Variants in ZNF37A observed in about 807,000 individuals in gnomAD.
ZNF37A encodes the protein zinc finger protein 37a (KOX 21).
ZNF37A carries 10 observed loss-of-function variants against 12.3 expected under a neutral mutation model. That is an observed-to-expected ratio of 0.82 (90% CI 0.50 to 1.38). The LOEUF (loss-of-function observed/expected upper bound fraction) is 1.38. ZNF37A is among the 40% of genes most tolerant of loss of function. The probability of loss-of-function intolerance (pLI) is 0.00; values close to 1 mark genes in which losing one functional copy is unlikely to be tolerated. For synonymous variants in ZNF37A, 207 were observed against 223.0 expected (o/e 0.93, Z 0.64); for missense variants, 580 against 651.2 (o/e 0.89, Z 1.19).
exon 8 of ZNF37A, chr10:38,147,947 G>A (rs1735220762): frequency 1.3e-5 from 2 of 152,208 alleles, no homozygotes; most frequent in South Asian, 4.1e-4. Context: ...ATTTCGATGA[G>A]TTAAGGAAAT....
At position 38,105,294 on chromosome 10, in the gene ZNF37A, C is replaced by T. The variant is rs140515583; in HGVS notation, c.15+8662C>T. Among the ~76,000 whole-genome samples, 1,442 of 152,198 alleles carry T rather than the reference C, an allele frequency of 9.5e-3. 20 individuals carry two copies. The highest frequency in any genetic ancestry group is 0.033 in the African/African-American group (1,352 of 41,522). ...TGTTGGGATTACAGATGTGAGCCACCGTGCCCAGCCTGTATCTAATCTCTT... is the reference window on the plus strand; with the variant it reads ...TGTTGGGATTACAGATGTGAGCCACTGTGCCCAGCCTGTATCTAATCTCTT... On this transcript the variant is annotated intron_variant, in intron 5 of 7. Coordinates refer to ENST00000685332, the MANE Select transcript of ZNF37A (RefSeq NM_001324250.3).
chr10:38,097,522 G>A (rs2135853955), intron 5 of ZNF37A, among the ~76,000 whole-genome samples: 1 of 142,256 alleles, frequency 7.0e-6, no homozygotes, highest in South Asian at 2.3e-4. Context: ...AGGGTGCAGT[G>A]AGCCGAGATT....
Position 38,118,650 on chromosome 10 carries a change from G to A in ZNF37A, c.1499G>A (p.Cys500Tyr). 3 of 1,613,628 alleles carry A rather than the reference G, an allele frequency of 1.9e-6. No individual in the cohort carries two copies. The highest frequency in any genetic ancestry group is 2.5e-6 in the Non-Finnish European group (3 of 1,179,924). The change falls in exon 8 of 8, where the codon TGT becomes TAT. Residue 500 changes from cysteine (C) to tyrosine (Y), a missense_variant. Cys to Tyr is a radical substitution (Grantham distance 194). Transcript: ENST00000685332. ...IRQKPYGCNQ[C>Y]GKSFCVKSKL... The stretch of plus-strand genomic sequence containing the variant: ...CAGAAACCCTATGGATGTAATCAAT[G>A]TGGAAAATCATTCTGTGTGAAGTCA...
At chr10:38,095,910 G>A (rs2067112794) in intron 4 of ZNF37A, 106 bp downstream of exon 4, 1 of 152,186 alleles carries the variant, frequency 6.6e-6, no homozygotes, top group Non-Finnish European at 1.5e-5. Context: ...GGCTGGGCTG[G>A]GCACGGTGGT....
intron 7 of ZNF37A, 60 bp from the exon 8 acceptor site, chr10:38,117,330 T>C: frequency 6.6e-7 from 1 of 1,523,938 alleles, no homozygotes; most frequent in Non-Finnish European, 8.8e-7. Context: ...AATATAATGC[T>C]AAGTTTATTT....
chr10:38,144,022 G>C (rs1056673137), intron 7 of ZNF37A: 5 of 152,234 alleles, frequency 3.3e-5, no homozygotes, highest in Admixed American at 1.3e-4. Flanking sequence ...GAGCAGAGAT[G>C]GGGGAAAGAG....
At chr10:38,147,825 C>T (rs1366193621) in exon 8 of ZNF37A, 1 of 152,192 alleles carries the variant, frequency 6.6e-6, no homozygotes, top group Non-Finnish European at 1.5e-5. Flanking sequence ...TTTTATTCAT[C>T]ATTTGGAAAT....
rs1373727656 is a variant in ZNF37A, at chr10:38,118,362, T to C, written c.1211T>C (p.Ile404Thr). The change falls in exon 8 of 8, where the codon ATA becomes ACA. Residue 404 changes from isoleucine (I) to threonine (T), a missense_variant. Transcript: ENST00000685332. ...RKSDLIKHQR[I>T]HTGEKPYECN... The stretch of plus-strand genomic sequence containing the variant: ...TCAGACCTCATTAAACATCAAAGAA[T>C]ACACACAGGTGAAAAACCTTATGAA... 6.2e-7 allele frequency: 1 copy of C among 1,613,550 alleles called. No individual in the cohort carries two copies. Among genetic ancestry groups the C allele is most frequent in the Non-Finnish European group, 8.5e-7 (1 of 1,179,890 alleles).
rs1184078896 is a variant in ZNF37A, at chr10:38,122,865, TAAC to T, written c.*4031_*4033del. 6.6e-6 allele frequency: 1 copy of T among 152,076 alleles called. No homozygotes were observed. Among genetic ancestry groups the T allele is most frequent in the Non-Finnish European group, 1.5e-5 (1 of 68,002 alleles). The allele number at this position is 152,076 out of a possible 1,614,324, so 9.4% of individuals were successfully genotyped here. ...AAAATCTTCTGCATTGCAAAGGAAA[TAAC>T]AAAGTGAAGAGACAACCCATAGAAT... On this transcript the variant is annotated 3_prime_UTR_variant, in exon 8 of 8. Transcript: ENST00000685332.
chr10:38,114,773 G>T lies in ZNF37A; in HGVS notation c.34G>T (p.Asp12Tyr). 1 of 1,614,010 alleles carries T rather than the reference G, an allele frequency of 6.2e-7. No homozygotes were observed. The highest frequency in any genetic ancestry group is 8.5e-7 in the Non-Finnish European group (1 of 1,180,004). Residue 12 changes from aspartate to tyrosine, a missense_variant, in exon 6 of 8, where the codon GAT (aspartate) becomes TAT (tyrosine). Coordinates refer to ENST00000685332, the MANE Select transcript of ZNF37A (RefSeq NM_001324250.3). Reference sequence around the variant, plus strand: ...TTTCCAGGGATCAGTGTCGTTTAGGGATGTGACTGTGGGCTTCACTCAAGA... The same window carrying T: ...TTTCCAGGGATCAGTGTCGTTTAGGTATGTGACTGTGGGCTTCACTCAAGA... ...ITSQGSVSFR[D>Y]VTVGFTQEEW...
intron 7 of ZNF37A, among the ~76,000 whole-genome samples, chr10:38,131,508 C>G (rs1446716877): frequency 2.6e-5 from 4 of 152,258 alleles, no homozygotes; most frequent in Middle Eastern, 3.4e-3. Context: ...ATATTTGAAG[C>G]TTTACTTCTG....
chr10:38,130,213 A>G (rs1043524631), downstream of ZNF37A, among the ~76,000 whole-genome samples: 4 of 152,190 alleles, frequency 2.6e-5, no homozygotes, highest in African/African-American at 9.6e-5. Context: ...TAAAACATTA[A>G]TTTTTATGGC....
intron 7 of ZNF37A, chr10:38,140,897 A>G (rs182820465): frequency 3.4e-4 from 52 of 152,370 alleles, no homozygotes; most frequent in African/African-American, 1.2e-3. Flanking sequence ...ACGTGAGTCC[A>G]TACTATGCAA....
At chr10:38,099,086 A>G (rs1307444193) in intron 5 of ZNF37A, among the ~76,000 whole-genome samples, 1 of 152,184 alleles carries the variant, frequency 6.6e-6, no homozygotes, top group Non-Finnish European at 1.5e-5. Flanking sequence ...AATTTTTAGT[A>G]CAATGTTGAA....
intron 7 of ZNF37A, chr10:38,143,137 A>G (rs531070178): frequency 6.6e-6 from 1 of 151,838 alleles, no homozygotes; most frequent in South Asian, 2.1e-4. Flanking sequence ...CAGGGTGAGC[A>G]CAGGCTGTAG....
At chr10:38,138,173 A>G (rs2070134827) in intron 7 of ZNF37A, 1 of 152,166 alleles carries the variant, frequency 6.6e-6, no homozygotes, top group African/African-American at 2.4e-5. Context: ...GCCATTAGTA[A>G]TTGTTCTAGA....
intron 5 of ZNF37A, among the ~76,000 whole-genome samples, chr10:38,100,339 A>G (rs959254693): frequency 1.3e-5 from 2 of 152,164 alleles, no homozygotes; most frequent in African/African-American, 4.8e-5. Flanking sequence ...CGGTCTGACC[A>G]AAATTTATTA....
chr10:38,122,538 G>C lies in ZNF37A; in HGVS notation c.*3701G>C, dbSNP rs1040389994. 6.6e-6 allele frequency: 1 copy of C among 152,130 alleles called. No individual in the cohort carries two copies. The highest frequency in any genetic ancestry group is 1.9e-4 in the East Asian group (1 of 5,190). The allele number at this position is 152,130 out of a possible 1,614,324, so 9.4% of individuals were successfully genotyped here. On this transcript the variant is annotated 3_prime_UTR_variant, in exon 8 of 8. Coordinates refer to ENST00000685332, the MANE Select transcript of ZNF37A (RefSeq NM_001324250.3). ...CCAGAAACAAATTCATACATCTATG[G>C]TGACCACTTTTGACAAAGGAATGAA...
At chr10:38,146,693 G>C in intron 7 of ZNF37A, 1 of 398,272 alleles carries the variant, frequency 2.5e-6, no homozygotes, top group Non-Finnish European at 4.4e-6. Flanking sequence ...CCAGGTTCCA[G>C]GCCTACATGC....
Sources: gnomAD v4.1 joint callset for allele counts (sites outside exome capture counted in the v4.1 genomes callset) on GRCh38, gnomAD v4.1.1 for gene constraint, MANE v1.5 for transcripts, NCBI Gene and HGNC (gene_info 2026-07-23, HGNC 2026-07-21) for gene names.